SORCS1: variants seen among roughly 807,000 people sequenced by gnomAD.
SORCS1 encodes sortilin related VPS10 domain containing receptor 1, also known as VPS10 domain-containing receptor SorCS1.
In SORCS1, 60 loss-of-function variants were observed where a neutral mutation model predicts 146.1. The ratio of observed to expected loss-of-function variants is 0.41; its 90% CI spans 0.33 to 0.51. SORCS1 has a LOEUF of 0.51. SORCS1 is among the 20% of genes least tolerant of loss of function. SORCS1 has a pLI of 0.21. For missense variants in SORCS1, 1,352 were observed against 1,487.6 expected (o/e 0.91, Z 1.50); for synonymous variants, 637 against 584.0 (o/e 1.09, Z -1.31).
intron 1 of SORCS1, among the ~76,000 whole-genome samples, chr10:107,107,202 G>C (rs1965368338): frequency 6.6e-6 from 1 of 152,184 alleles, no homozygotes. Flanking sequence ...TTGCTGTAAA[G>C]AACCTTTAAA....
In SORCS1 at chr10:106,957,371, C is replaced by T. The variant is rs138200810; in HGVS notation, c.559-791G>A. Among the ~76,000 whole-genome samples, 688 of 151,964 alleles carry T rather than the reference C, an allele frequency of 4.5e-3. 5 individuals are homozygous for T. The highest frequency in any genetic ancestry group is 0.016 in the African/African-American group (663 of 41,432). Reference sequence around the variant, plus strand: ...TGCATTTTTAGAGATGGGGTTTCGCCATGTTGGGTAGGCTGGTCTCGAACT... The same window carrying T: ...TGCATTTTTAGAGATGGGGTTTCGCTATGTTGGGTAGGCTGGTCTCGAACT... On this transcript the variant is annotated intron_variant, in intron 1 of 25. Coordinates refer to ENST00000263054, the MANE Select transcript of SORCS1 (RefSeq NM_052918.5).
At chr10:107,159,215 T>C (rs1379513766) in intron 1 of SORCS1, among the ~76,000 whole-genome samples, 15 of 152,200 alleles carry the variant, frequency 9.9e-5, no homozygotes, top group Admixed American at 9.8e-4. Flanking sequence ...AAAAGGTTTG[T>C]TCCCTTACAG....
At chr10:106,792,860 T>A (rs1003942504) in intron 3 of SORCS1, among the ~76,000 whole-genome samples, 5 of 152,166 alleles carry the variant, frequency 3.3e-5, no homozygotes, top group African/African-American at 1.2e-4. Flanking sequence ...TTTAGAATCC[T>A]TTTTTAGGCC....
At chr10:107,106,640 T>C (rs1234972996) in intron 1 of SORCS1, among the ~76,000 whole-genome samples, 1 of 152,172 alleles carries the variant, frequency 6.6e-6, no homozygotes, top group African/African-American at 2.4e-5. Flanking sequence ...ATTCTCCTTT[T>C]TAACCATATT....
At chr10:106,861,462 T>C (rs1950013714) in intron 2 of SORCS1, among the ~76,000 whole-genome samples, 3 of 151,808 alleles carry the variant, frequency 2.0e-5, no homozygotes, top group African/African-American at 7.3e-5. Context: ...GAAGTCAATG[T>C]TACTTGGCTC....
At chr10:107,066,531 G>C (rs1564993861) in intron 1 of SORCS1, among the ~76,000 whole-genome samples, 1 of 149,064 alleles carries the variant, frequency 6.7e-6, no homozygotes, top group East Asian at 1.9e-4. Flanking sequence ...CTCTACAAAC[G>C]AGTCTATTGC....
chr10:106,640,577 C>T (rs542256105), intron 18 of SORCS1, among the ~76,000 whole-genome samples: 16 of 152,326 alleles, frequency 1.1e-4, no homozygotes, highest in African/African-American at 3.6e-4. Flanking sequence ...CTTCTGCCTA[C>T]CAGTTCTCTC....
chr10:106,742,148 A>T (rs1186357901), intron 5 of SORCS1, among the ~76,000 whole-genome samples: 1 of 152,200 alleles, frequency 6.6e-6, no homozygotes, highest in Non-Finnish European at 1.5e-5. Context: ...ATTGATCTTC[A>T]TTGGAGAGGC....
intron 1 of SORCS1, among the ~76,000 whole-genome samples, chr10:107,104,407 G>A (rs578227979): frequency 5.9e-5 from 9 of 152,132 alleles, no homozygotes; most frequent in African/African-American, 1.7e-4. Flanking sequence ...TCTGGCTTTC[G>A]TCACCTTCCT....
chr10:106,779,214 T>A (rs1216958199), intron 3 of SORCS1, among the ~76,000 whole-genome samples: 3 of 152,176 alleles, frequency 2.0e-5, no homozygotes, highest in South Asian at 4.1e-4. Flanking sequence ...TTGGAAATAA[T>A]GGGAAATAGA....
chr10:106,826,025 C>T (rs1011280835), intron 3 of SORCS1, among the ~76,000 whole-genome samples: 2 of 152,132 alleles, frequency 1.3e-5, no homozygotes, highest in African/African-American at 4.8e-5. Context: ...GGGAAACAGT[C>T]GATGGATGAT....
At chr10:106,647,007 GTA>G (rs57891596) in intron 18 of SORCS1, among the ~76,000 whole-genome samples, 1,734 of 134,058 alleles carry the variant, frequency 0.013, 17 homozygotes, top group Middle Eastern at 0.044. Context: ...GTTTGTATGT[GTA>G]TATATATATA....
At chr10:107,062,944 A>G (rs1194605572) in intron 1 of SORCS1, among the ~76,000 whole-genome samples, 1 of 152,178 alleles carries the variant, frequency 6.6e-6, no homozygotes, top group Non-Finnish European at 1.5e-5. Flanking sequence ...CAAATTACCC[A>G]GGAATAAATA....
intron 6 of SORCS1, among the ~76,000 whole-genome samples, chr10:106,717,086 G>A (rs1213603170): frequency 3.9e-5 from 6 of 152,090 alleles, no homozygotes; most frequent in Admixed American, 1.3e-4. Context: ...AGCTAGAAAC[G>A]ATGCAGGCAA....
At chr10:106,995,349 A>G (rs1956949376) in intron 1 of SORCS1, among the ~76,000 whole-genome samples, 1 of 151,814 alleles carries the variant, frequency 6.6e-6, no homozygotes, top group Admixed American at 6.6e-5. Flanking sequence ...GGTAACAGAG[A>G]ATAGAAGAAC....
At chr10:107,103,547 T>C (rs556362244) in intron 1 of SORCS1, among the ~76,000 whole-genome samples, 3 of 152,326 alleles carry the variant, frequency 2.0e-5, no homozygotes, top group Admixed American at 2.0e-4. Context: ...TTAAATACTG[T>C]AGAGTGCCTA....
chr10:107,158,271 T>A (rs918078355), intron 1 of SORCS1, among the ~76,000 whole-genome samples: 7 of 152,240 alleles, frequency 4.6e-5, no homozygotes, highest in African/African-American at 1.7e-4. Context: ...AAGATTGATG[T>A]GTATATTTTT....
chr10:107,164,334 C>T lies in SORCS1; in HGVS notation c.193G>A (p.Ala65Thr). ...GFSHQGRPGRAPATPLPLVVR... is the reference protein window; with the variant it reads ...GFSHQGRPGRTPATPLPLVVR... Reference sequence around the variant, plus strand: ...ACGAGGGGCAGGGGCGTGGCAGGAGCCCTGCCTGGCCGCCCCTGGTGGGAA... The same window carrying T: ...ACGAGGGGCAGGGGCGTGGCAGGAGTCCTGCCTGGCCGCCCCTGGTGGGAA... The change falls in exon 1 of 26, where the codon GCT becomes ACT. Residue 65 changes from alanine (A) to threonine (T), a missense_variant. Coordinates refer to ENST00000263054, the MANE Select transcript of SORCS1 (RefSeq NM_052918.5). The surrounding 1 kb of genome is among the most constrained non-coding windows in gnomAD (Gnocchi z 6.8). The T allele has an allele frequency of 6.5e-7, 1 of 1,539,400 alleles. No individual in the cohort carries two copies. The highest frequency in any genetic ancestry group is 8.7e-7 in the Non-Finnish European group (1 of 1,145,394).
chr10:106,587,950 A>G (rs1845343836), intron 24 of SORCS1, among the ~76,000 whole-genome samples: 1 of 152,194 alleles, frequency 6.6e-6, no homozygotes, highest in Non-Finnish European at 1.5e-5. Context: ...AGAACTCCAG[A>G]CGAACAGCGA....
Sources: gnomAD v4.1 joint callset for allele counts (sites outside exome capture counted in the v4.1 genomes callset) on GRCh38, gnomAD v4.1.1 for gene constraint, Gnocchi (gnomAD v3.1) non-coding constraint, MANE v1.5 for transcripts, NCBI Gene and HGNC (gene_info 2026-07-23, HGNC 2026-07-21) for gene names.